Variants in HDAC9 observed in about 807,000 individuals in gnomAD.
The protein encoded by HDAC9 is histone deacetylase 9.
A neutral mutation model predicts 139.4 loss-of-function variants in HDAC9; 41 were observed. The observed-to-expected ratio is 0.29, with a 90% confidence interval of 0.23 to 0.38. HDAC9 has a LOEUF of 0.38. Ranked by LOEUF, HDAC9 falls within the 10% of genes least tolerant of loss-of-function variation. HDAC9 has a pLI of 1.00. For synonymous variants in HDAC9, 517 were observed against 476.2 expected (o/e 1.09, Z -1.12); for missense variants, 1,147 against 1,297.0 (o/e 0.88, Z 1.78).
At chr7:18,889,037 A>G (rs1463974897) in intron 22 of HDAC9, among the ~76,000 whole-genome samples, 2 of 152,138 alleles carry the variant, frequency 1.3e-5, no homozygotes, top group African/African-American at 2.4e-5. Context: ...TCTGCTTTAT[A>G]TTCTTTTCCT....
chr7:18,174,291 A>C (rs139943606), intron 2 of HDAC9, among the ~76,000 whole-genome samples: 1,962 of 152,188 alleles, frequency 0.013, 40 homozygotes, highest in African/African-American at 0.044. Context: ...CATGGTTTTC[A>C]GCTCCATCAG....
chr7:18,305,398 G>A (rs962104541), intron 1 of HDAC9, among the ~76,000 whole-genome samples: 2 of 152,142 alleles, frequency 1.3e-5, no homozygotes, highest in African/African-American at 4.8e-5. Context: ...AAGAAATATT[G>A]TTAGTTTCCC....
intron 1 of HDAC9, among the ~76,000 whole-genome samples, chr7:18,087,494 T>G (rs1781874053): frequency 6.6e-6 from 1 of 152,124 alleles, no homozygotes; most frequent in African/African-American, 2.4e-5. Flanking sequence ...GGTGGCGTGA[T>G]TCTCTCCCGC....
chr7:18,952,068 C>G (rs1782837415), intron 23 of HDAC9, among the ~76,000 whole-genome samples: 1 of 151,932 alleles, frequency 6.6e-6, no homozygotes, highest in South Asian at 2.1e-4. Flanking sequence ...CAAAATGAAA[C>G]AAATTGGGGC....
chr7:18,928,476 C>T (rs1804432315), intron 22 of HDAC9, among the ~76,000 whole-genome samples: 1 of 152,194 alleles, frequency 6.6e-6, no homozygotes, highest in South Asian at 2.1e-4. Flanking sequence ...CCTAATAATA[C>T]ATAATAACAC....
At chr7:18,359,228 C>T (rs998784812) in intron 1 of HDAC9, among the ~76,000 whole-genome samples, 3 of 151,962 alleles carry the variant, frequency 2.0e-5, no homozygotes, top group Non-Finnish European at 4.4e-5. Context: ...TGGTGGTGCA[C>T]ACCCAGCAAC....
At chr7:18,313,203 T>C (rs1799429178) in intron 1 of HDAC9, among the ~76,000 whole-genome samples, 1 of 152,114 alleles carries the variant, frequency 6.6e-6, no homozygotes, top group South Asian at 2.1e-4. Context: ...AAGTATTCAA[T>C]ATTAGTGATT....
intron 1 of HDAC9, among the ~76,000 whole-genome samples, chr7:18,309,646 A>T (rs1441384056): frequency 6.6e-6 from 1 of 152,154 alleles, no homozygotes; most frequent in South Asian, 2.1e-4. Context: ...AACAGGGAAC[A>T]TTTATTGTTC....
At chr7:18,963,131 C>T (rs1353314777) in intron 24 of HDAC9, among the ~76,000 whole-genome samples, 1 of 152,100 alleles carries the variant, frequency 6.6e-6, no homozygotes, top group Non-Finnish European at 1.5e-5. Flanking sequence ...CATTAGTGGG[C>T]TTGCTAGAAT....
At chr7:18,599,337 G>T (rs916864039) in intron 6 of HDAC9, among the ~76,000 whole-genome samples, 5 of 152,044 alleles carry the variant, frequency 3.3e-5, no homozygotes. Context: ...TTATATTAAG[G>T]TTTACTCTGT....
chr7:18,384,909 A>AGAC (rs35832428), intron 1 of HDAC9, among the ~76,000 whole-genome samples: 32,831 of 152,032 alleles, frequency 0.22, 3,760 homozygotes, highest in Non-Finnish European at 0.24. Context: ...GTGATTAGAT[A>AGAC]GACACATTTC....
intron 25 of HDAC9, among the ~76,000 whole-genome samples, chr7:18,990,104 A>C (rs1393556238): frequency 2.0e-5 from 3 of 152,120 alleles, no homozygotes; most frequent in East Asian, 1.9e-4. Flanking sequence ...TGAGGAACTG[A>C]GTTCCTTTGG....
At chr7:18,348,046 T>A (rs771886446) in intron 1 of HDAC9, among the ~76,000 whole-genome samples, 1 of 152,196 alleles carries the variant, frequency 6.6e-6, no homozygotes, top group Non-Finnish European at 1.5e-5. Context: ...ATGCAGTAAC[T>A]AGCAACTGTT....
chr7:18,317,259 G>A (rs1415333890), intron 1 of HDAC9, among the ~76,000 whole-genome samples: 1 of 151,890 alleles, frequency 6.6e-6, no homozygotes, highest in Non-Finnish European at 1.5e-5. Context: ...AGACTCATGA[G>A]TGTAGTAATG....
chr7:18,452,242 G>A (rs1563002382), intron 1 of HDAC9, among the ~76,000 whole-genome samples: 1 of 152,108 alleles, frequency 6.6e-6, no homozygotes, highest in African/African-American at 2.4e-5. Context: ...TTCAAGACCA[G>A]GAACAACCAA....
chr7:18,607,013 A>G (rs1367061059), intron 6 of HDAC9, among the ~76,000 whole-genome samples: 1 of 152,220 alleles, frequency 6.6e-6, no homozygotes, highest in East Asian at 1.9e-4. Context: ...ATACAAATGT[A>G]TAATTTATAC....
chr7:18,446,986 A>G (rs952418746), intron 1 of HDAC9, among the ~76,000 whole-genome samples: 4 of 152,204 alleles, frequency 2.6e-5, no homozygotes, highest in Non-Finnish European at 4.4e-5. Flanking sequence ...AATGCTTGTG[A>G]CCATGTGAGC....
chr7:18,509,311 C>T (rs563335289), intron 2 of HDAC9: 28 of 985,380 alleles, frequency 2.8e-5, no homozygotes, highest in Non-Finnish European at 3.1e-5. Flanking sequence ...GGTGGGGAAG[C>T]CTTTATCAAT....
chr7:18,856,174 A>T (rs1797663729), intron 21 of HDAC9, among the ~76,000 whole-genome samples: 1 of 152,128 alleles, frequency 6.6e-6, no homozygotes, highest in South Asian at 2.1e-4. Context: ...ATACGGCATC[A>T]TAGGTTCACG....
Sources: gnomAD v4.1 joint callset for allele counts (sites outside exome capture counted in the v4.1 genomes callset) on GRCh38, gnomAD v4.1.1 for gene constraint, MANE v1.5 for transcripts, NCBI Gene and HGNC (gene_info 2026-07-23, HGNC 2026-07-21) for gene names.